Variants in PRELID2 observed in about 807,000 individuals in gnomAD.
The protein encoded by PRELID2 is PRELI domain containing 2.
PRELID2 carries 25 observed loss-of-function variants against 28.4 expected under a neutral mutation model. That is an observed-to-expected ratio of 0.88 (90% confidence interval 0.64 to 1.23). The LOEUF is 1.23. Ranked by LOEUF, PRELID2 falls within the 50% of genes most tolerant of loss-of-function variation. The pLI is 0.00. For synonymous variants in PRELID2, 76 were observed against 71.6 expected (o/e 1.06, Z -0.31); for missense variants, 201 against 214.4 (o/e 0.94, Z 0.39).
At chr5:145,239,838 T>A in the PRELID2 span, among the ~76,000 whole-genome samples, 1 of 151,990 alleles carries the variant, frequency 6.6e-6, no homozygotes, top group Non-Finnish European at 1.5e-5. Context: ...TGAGGTAAGG[T>A]CCTGGCAAAA....
the PRELID2 span, among the ~76,000 whole-genome samples, chr5:145,426,187 T>C: frequency 6.6e-6 from 1 of 152,310 alleles, no homozygotes; most frequent in African/African-American, 2.4e-5. Context: ...TGCAGGGTTT[T>C]TGCTGCTTTC....
chr5:145,767,405 C>T (rs543710741), intron 5 of PRELID2, among the ~76,000 whole-genome samples: 4 of 152,300 alleles, frequency 2.6e-5, no homozygotes, highest in South Asian at 2.1e-4. Flanking sequence ...CCCTTCAATT[C>T]GTTCACGCCA....
intron 1 of PRELID2, among the ~76,000 whole-genome samples, chr5:145,511,078 G>A (rs955261): frequency 5.9e-5 from 9 of 152,176 alleles, no homozygotes; most frequent in South Asian, 2.1e-4. Flanking sequence ...CAGTCATGTC[G>A]CCTCTTGATT....
At chr5:145,691,529 C>T (rs1274307330) in intron 1 of PRELID2, among the ~76,000 whole-genome samples, 1 of 152,070 alleles carries the variant, frequency 6.6e-6, no homozygotes, top group African/African-American at 2.4e-5. Context: ...CACAGTGAAA[C>T]CCGGTCTCTA....
the PRELID2 span, among the ~76,000 whole-genome samples, chr5:145,333,628 G>A: frequency 6.6e-6 from 1 of 152,096 alleles, no homozygotes; most frequent in Non-Finnish European, 1.5e-5. Flanking sequence ...TCCCTACCAA[G>A]CTCAAGCATC....
the PRELID2 span, among the ~76,000 whole-genome samples, chr5:145,251,151 G>C: frequency 0.086 from 13,124 of 152,024 alleles, 1,205 homozygotes; most frequent in African/African-American, 0.24. Context: ...TTTTCTTGAT[G>C]ACCCCAGTAG....
intron 1 of PRELID2, among the ~76,000 whole-genome samples, chr5:145,528,336 C>T (rs1752625941): frequency 6.6e-6 from 1 of 152,076 alleles, no homozygotes; most frequent in Non-Finnish European, 1.5e-5. Context: ...GTCCTAGGCT[C>T]ACTATAGATA....
the PRELID2 span, among the ~76,000 whole-genome samples, chr5:145,428,891 A>C: frequency 6.7e-6 from 1 of 150,234 alleles, no homozygotes; most frequent in Non-Finnish European, 1.5e-5. Flanking sequence ...GGTGCATGCT[A>C]CTGTGTTCTA....
chr5:145,236,552 C>T, the PRELID2 span, among the ~76,000 whole-genome samples: 1 of 152,112 alleles, frequency 6.6e-6, no homozygotes, highest in African/African-American at 2.4e-5. Context: ...AAGTCTAGCT[C>T]CTAAAACCCA....
intron 1 of PRELID2, among the ~76,000 whole-genome samples, chr5:145,495,972 T>C (rs914591033): frequency 2.6e-5 from 4 of 152,208 alleles, no homozygotes; most frequent in Non-Finnish European, 5.9e-5. Context: ...ATGTGCCCTT[T>C]ATATAATGCT....
chr5:145,654,677 G>A (rs951253455), intron 1 of PRELID2, among the ~76,000 whole-genome samples: 2 of 152,024 alleles, frequency 1.3e-5, no homozygotes, highest in East Asian at 1.9e-4. Context: ...ATGCAGAAAA[G>A]GCCTTTGACA....
intron 1 of PRELID2, among the ~76,000 whole-genome samples, chr5:145,547,644 C>T (rs1752799408): frequency 1.3e-5 from 2 of 151,878 alleles, no homozygotes; most frequent in South Asian, 4.1e-4. Flanking sequence ...TACTTATTTG[C>T]AAGGTTGCAA....
intron 4 of PRELID2, among the ~76,000 whole-genome samples, chr5:145,809,036 C>CTTTTTTTTT (rs372516210): frequency 2.8e-5 from 3 of 105,832 alleles, no homozygotes; most frequent in Non-Finnish European, 3.9e-5. Context: ...TTTTTTTTTG[C>CTTTTTTTTT]TTTTTTTTTT....
intron 6 of PRELID2, among the ~76,000 whole-genome samples, chr5:145,761,748 C>T (rs1442047556): frequency 1.3e-5 from 2 of 152,066 alleles, no homozygotes; most frequent in Non-Finnish European, 2.9e-5. Context: ...AGCAGGCAGC[C>T]GGCTAAATTT....
At chr5:145,816,069 T>A (rs1454299083) in intron 4 of PRELID2, among the ~76,000 whole-genome samples, 3 of 151,146 alleles carry the variant, frequency 2.0e-5, no homozygotes, top group African/African-American at 7.3e-5. Context: ...TCCTTGTTAT[T>A]GTGTGTCTTT....
At chr5:145,709,823 G>A (rs1008424436) in intron 1 of PRELID2, among the ~76,000 whole-genome samples, 1 of 152,092 alleles carries the variant, frequency 6.6e-6, no homozygotes, top group African/African-American at 2.4e-5. Flanking sequence ...CCCAAGCTGT[G>A]GTCACTCCCT....
the PRELID2 span, among the ~76,000 whole-genome samples, chr5:145,416,867 T>C: frequency 6.6e-6 from 1 of 151,388 alleles, no homozygotes; most frequent in Admixed American, 6.6e-5. Flanking sequence ...AACCCAAAAG[T>C]CCAAGCCCAA....
intron 1 of PRELID2, among the ~76,000 whole-genome samples, chr5:145,624,953 G>A (rs1753822803): frequency 6.6e-6 from 1 of 152,004 alleles, no homozygotes; most frequent in Non-Finnish European, 1.5e-5. Flanking sequence ...TAGAAGAGAG[G>A]CGCAAATGTC....
At chr5:145,420,583 G>A in the PRELID2 span, among the ~76,000 whole-genome samples, 10 of 132,998 alleles carry the variant, frequency 7.5e-5, no homozygotes, top group Admixed American at 7.2e-4. Context: ...CATTGATTTT[G>A]TATCCTGAGA....
Sources: gnomAD v4.1 joint callset for allele counts (sites outside exome capture counted in the v4.1 genomes callset) on GRCh38, gnomAD v4.1.1 for gene constraint, MANE v1.5 for transcripts, NCBI Gene and HGNC (gene_info 2026-07-23, HGNC 2026-07-21) for gene names.